Variants in CACNA1E observed in about 807,000 individuals in gnomAD.
The protein encoded by CACNA1E is calcium voltage-gated channel subunit alpha1 E, also known as voltage-dependent R-type calcium channel subunit alpha-1E.
CACNA1E carries 40 observed loss-of-function variants against 259.2 expected under a neutral mutation model. The ratio of observed to expected loss-of-function variants is 0.15; its 90% CI spans 0.12 to 0.20. The LOEUF is 0.20. Ranked by LOEUF, CACNA1E falls within the 10% of genes least tolerant of loss-of-function variation. The probability of loss-of-function intolerance (pLI) is 1.00; values close to 1 mark genes in which losing one functional copy is unlikely to be tolerated. For missense variants in CACNA1E, 1,874 were observed against 3,040.1 expected (o/e 0.62, Z 9.02); for synonymous variants, 1,104 against 1,138.5 (o/e 0.97, Z 0.61).
intron 5 of CACNA1E, 44 bp downstream of exon 5, chr1:181,579,268 C>T (rs771862571): frequency 1.3e-6 from 2 of 1,527,544 alleles, no homozygotes; most frequent in East Asian, 4.5e-5. Context: ...CTTCTCCCCT[C>T]TGTTAACTGG....
chr1:181,523,357 T>C (rs1370401295), intron 3 of CACNA1E, among the ~76,000 whole-genome samples: 2 of 152,246 alleles, frequency 1.3e-5, no homozygotes, highest in Non-Finnish European at 2.9e-5. Flanking sequence ...ATAGTATATT[T>C]TGTAGTGTGT....
At chr1:181,408,899 G>A (rs1657653041) in intron 1 of CACNA1E, among the ~76,000 whole-genome samples, 1 of 152,138 alleles carries the variant, frequency 6.6e-6, no homozygotes, top group South Asian at 2.1e-4. Context: ...TTGAGTGTGA[G>A]CTATAGGACA....
In CACNA1E at chr1:181,798,847, C is replaced by A. The variant is rs144714729; in HGVS notation, c.*13C>A. The A allele has an allele frequency of 2.0e-4, 305 of 1,497,962 alleles. 3 individuals carry two copies. In the East Asian group the frequency reaches 6.0e-3, roughly 29 times the overall value. 92.8% of individuals were successfully genotyped at this position (1,497,962 alleles called of 1,614,324 possible). A position where few individuals can be genotyped will look rare whatever the true frequency, so the allele number is the denominator to read the frequency against. ...TGACAAATGCTAGAGGCTGCTCCCCCCTCCGATGCATGCTCTTCTCTCACA... is the reference window on the plus strand; with the variant it reads ...TGACAAATGCTAGAGGCTGCTCCCCACTCCGATGCATGCTCTTCTCTCACA... On this transcript the variant is annotated 3_prime_UTR_variant, in exon 48 of 48. Transcript: ENST00000367573. The surrounding 1 kb of genome is among the most constrained non-coding windows in gnomAD (Gnocchi z 4.2).
chr1:181,511,316 G>A, intron 2 of CACNA1E, 55 bp from the exon 3 acceptor site: 1 of 1,599,740 alleles, frequency 6.3e-7, no homozygotes, highest in Non-Finnish European at 8.6e-7. Flanking sequence ...TTTTGCCTGT[G>A]TCTCATAAAG....
chr1:181,579,039 G>T, intron 4 of CACNA1E, 33 bp from the exon 5 acceptor site: 1 of 1,569,442 alleles, frequency 6.4e-7, no homozygotes, highest in South Asian at 1.2e-5. Context: ...CTGAGGGACA[G>T]CTGCATTGGT....
At chr1:181,378,628 C>T (rs986037618) in intron 1 of CACNA1E, among the ~76,000 whole-genome samples, 2 of 152,172 alleles carry the variant, frequency 1.3e-5, no homozygotes, top group Admixed American at 1.3e-4. Flanking sequence ...GAGGAAACTA[C>T]CCAAGGCTGG....
At chr1:181,332,280 T>C (rs957586567) in intron 1 of CACNA1E, among the ~76,000 whole-genome samples, 1 of 152,158 alleles carries the variant, frequency 6.6e-6, no homozygotes, top group African/African-American at 2.4e-5. Flanking sequence ...GCTTAATACC[T>C]AGGTGATGGG....
chr1:181,380,309 A>G (rs996983824), intron 1 of CACNA1E, among the ~76,000 whole-genome samples: 2 of 152,086 alleles, frequency 1.3e-5, no homozygotes, highest in African/African-American at 4.8e-5. Context: ...CTTATTTTGG[A>G]AAAGAAGAAA....
chr1:181,701,114 C>T (rs1652205745), intron 7 of CACNA1E, among the ~76,000 whole-genome samples: 4 of 152,166 alleles, frequency 2.6e-5, no homozygotes, highest in African/African-American at 9.7e-5. Context: ...GGATGTTTAA[C>T]AAAGGAATGT....
intron 1 of CACNA1E, among the ~76,000 whole-genome samples, chr1:181,395,853 A>C (rs1656644545): frequency 6.6e-6 from 1 of 152,260 alleles, no homozygotes; most frequent in Admixed American, 6.5e-5. Context: ...TATGTCAAAT[A>C]ATGTGATGAG....
intron 6 of CACNA1E, among the ~76,000 whole-genome samples, chr1:181,644,416 C>G (rs528948943): frequency 3.9e-5 from 6 of 152,298 alleles, no homozygotes; most frequent in Admixed American, 3.9e-4. Flanking sequence ...AAGAGTATGA[C>G]TGGATTTCCT....
intron 1 of CACNA1E, among the ~76,000 whole-genome samples, chr1:181,505,016 G>A (rs1020705677): frequency 6.6e-6 from 1 of 152,122 alleles, no homozygotes; most frequent in Admixed American, 6.5e-5. Context: ...AGGGAAGGCA[G>A]GAAGGAAGAT....
intron 3 of CACNA1E, among the ~76,000 whole-genome samples, chr1:181,570,746 T>C (rs757035621): frequency 2.0e-5 from 3 of 152,206 alleles, no homozygotes; most frequent in Non-Finnish European, 2.9e-5. Context: ...CTAGTCAATC[T>C]TCTGCCTTTT....
intron 6 of CACNA1E, among the ~76,000 whole-genome samples, chr1:181,614,131 G>A (rs1411163058): frequency 6.6e-6 from 1 of 152,086 alleles, no homozygotes; most frequent in East Asian, 1.9e-4. Flanking sequence ...GAGATAAAAA[G>A]ATATTTCACA....
At chr1:181,388,287 C>T (rs529554144) in intron 1 of CACNA1E, among the ~76,000 whole-genome samples, 1 of 152,306 alleles carries the variant, frequency 6.6e-6, no homozygotes, top group African/African-American at 2.4e-5. Context: ...CGTGAGCCCT[C>T]AATTAGCCAA....
At chr1:181,515,175 C>G (rs1666480777) in intron 3 of CACNA1E, among the ~76,000 whole-genome samples, 1 of 151,986 alleles carries the variant, frequency 6.6e-6, no homozygotes, top group Non-Finnish European at 1.5e-5. Context: ...GGGATGAGCT[C>G]AGGGAGGTAT....
chr1:181,432,013 C>T (rs1027847532), intron 2 of CACNA1E, among the ~76,000 whole-genome samples: 5 of 152,118 alleles, frequency 3.3e-5, no homozygotes, highest in East Asian at 3.8e-4. Context: ...CCTGCATCGC[C>T]GATCGACCAA....
chr1:181,369,175 A>G (rs1654506866), intron 1 of CACNA1E, among the ~76,000 whole-genome samples: 1 of 152,262 alleles, frequency 6.6e-6, no homozygotes, highest in South Asian at 2.1e-4. Flanking sequence ...TTGTGTGTCA[A>G]CATTTCAAAG....
intron 2 of CACNA1E, among the ~76,000 whole-genome samples, chr1:181,454,615 A>G (rs776542366): frequency 3.3e-5 from 5 of 152,186 alleles, no homozygotes; most frequent in Non-Finnish European, 5.9e-5. Context: ...TGGACCACTT[A>G]TATCATAGAC....
Sources: gnomAD v4.1 joint callset for allele counts (sites outside exome capture counted in the v4.1 genomes callset) on GRCh38, gnomAD v4.1.1 for gene constraint, Gnocchi (gnomAD v3.1) non-coding constraint, MANE v1.5 for transcripts, NCBI Gene and HGNC (gene_info 2026-07-23, HGNC 2026-07-21) for gene names.